Variants in KCTD8 observed in about 807,000 individuals in gnomAD.
KCTD8 encodes BTB/POZ domain-containing protein KCTD8.
KCTD8 carries 27 observed loss-of-function variants against 31.5 expected under a neutral mutation model. The ratio of observed to expected loss-of-function variants is 0.86; its 90% CI spans 0.63 to 1.18. The LOEUF (loss-of-function observed/expected upper bound fraction) is 1.18, where lower values mean the gene tolerates loss of function less well. KCTD8 is among the 50% of genes most tolerant of loss of function. KCTD8 has a pLI of 0.00. For synonymous variants in KCTD8, 290 were observed against 280.0 expected (o/e 1.04, Z -0.36); for missense variants, 658 against 647.7 (o/e 1.02, Z -0.17).
intron 1 of KCTD8, among the ~76,000 whole-genome samples, chr4:44,357,694 C>T (rs1345602181): frequency 6.6e-6 from 1 of 152,006 alleles, no homozygotes; most frequent in Non-Finnish European, 1.5e-5. Context: ...ATATAATGGT[C>T]ATCATTCTGC....
rs532993606 is a variant in KCTD8 at position 44,393,470 on chromosome 4, G to A, written c.961+54093C>T. Among the ~76,000 whole-genome samples, 137 of 150,830 alleles carry A rather than the reference G, an allele frequency of 9.1e-4. 1 individual carries two copies. Among genetic ancestry groups the A allele is most frequent in the African/African-American group, 3.2e-3 (131 of 41,190 alleles). On this transcript the variant is annotated intron_variant, in intron 1 of 1. Coordinates refer to ENST00000360029, the MANE Select transcript of KCTD8 (RefSeq NM_198353.3). ...AGTAAATTTAAATTATGCCAATAAC[G>A]TTGGTAAATGTATTATATTTCCAAA...
At chr4:44,442,442 C>G (rs1219185306) in intron 1 of KCTD8, among the ~76,000 whole-genome samples, 3 of 151,958 alleles carry the variant, frequency 2.0e-5, no homozygotes, top group Admixed American at 6.6e-5. Context: ...CAAAAATTAG[C>G]TGGGCGTGGT....
At chr4:44,319,566 A>G (rs1345948417) in intron 1 of KCTD8, among the ~76,000 whole-genome samples, 2 of 152,084 alleles carry the variant, frequency 1.3e-5, no homozygotes, top group Non-Finnish European at 2.9e-5. Flanking sequence ...AATCACTTCT[A>G]CGCCATGAGC....
intron 1 of KCTD8, among the ~76,000 whole-genome samples, chr4:44,259,982 A>AT (rs1397398625): frequency 6.6e-6 from 1 of 151,874 alleles, no homozygotes; most frequent in Non-Finnish European, 1.5e-5. Flanking sequence ...CAGGGAGACT[A>AT]TTTTTTACAT....
chr4:44,274,833 C>CAA (rs541747524), intron 1 of KCTD8, among the ~76,000 whole-genome samples: 5 of 144,360 alleles, frequency 3.5e-5, no homozygotes, highest in Non-Finnish European at 6.1e-5. Flanking sequence ...TGCTATAAAG[C>CAA]AAAAAAAAAA....
At chr4:44,318,154 T>A (rs1718192655) in intron 1 of KCTD8, among the ~76,000 whole-genome samples, 1 of 152,230 alleles carries the variant, frequency 6.6e-6, no homozygotes, top group Non-Finnish European at 1.5e-5. Flanking sequence ...TATATTCCAA[T>A]TATCACATAA....
At chr4:44,379,812 C>T (rs1720013857) in intron 1 of KCTD8, among the ~76,000 whole-genome samples, 1 of 152,132 alleles carries the variant, frequency 6.6e-6, no homozygotes, top group African/African-American at 2.4e-5. Flanking sequence ...TATTGTATGA[C>T]CACCACATAT....
chr4:44,290,158 TCA>T (rs1232807380), intron 1 of KCTD8, among the ~76,000 whole-genome samples: 3 of 151,770 alleles, frequency 2.0e-5, no homozygotes, highest in Non-Finnish European at 4.4e-5. Flanking sequence ...AGTGCAGGAA[TCA>T]CAATTCTTAT....
intron 1 of KCTD8, among the ~76,000 whole-genome samples, chr4:44,282,208 G>A (rs1390194927): frequency 2.6e-5 from 4 of 151,830 alleles, no homozygotes; most frequent in Non-Finnish European, 5.9e-5. Context: ...TTTCCCAGTA[G>A]CACATCCTCA....
intron 1 of KCTD8, among the ~76,000 whole-genome samples, chr4:44,425,732 T>C (rs951200926): frequency 1.3e-5 from 2 of 151,984 alleles, no homozygotes; most frequent in African/African-American, 2.4e-5. Context: ...TAGAGGGAGC[T>C]ATAGATTTGA....
chr4:44,447,530 G>C (rs777013649), intron 1 of KCTD8, 33 bp downstream of exon 1: 1 of 1,504,458 alleles, frequency 6.6e-7, no homozygotes, highest in Non-Finnish European at 8.9e-7. Flanking sequence ...AGGGGGCGAG[G>C]GGTGCTGGGA....
At chr4:44,200,738 A>G (rs143930619) in intron 1 of KCTD8, among the ~76,000 whole-genome samples, 12 of 152,188 alleles carry the variant, frequency 7.9e-5, no homozygotes, top group African/African-American at 2.6e-4. Context: ...TGCCCTTGAG[A>G]CCTAGAATAA....
At chr4:44,195,876 A>G (rs1490066082) in intron 1 of KCTD8, among the ~76,000 whole-genome samples, 1 of 152,248 alleles carries the variant, frequency 6.6e-6, no homozygotes, top group Non-Finnish European at 1.5e-5. Flanking sequence ...GAAAATATGT[A>G]AAGCTTGTGT....
chr4:44,328,674 T>C (rs1445874527), intron 1 of KCTD8, among the ~76,000 whole-genome samples: 1 of 151,980 alleles, frequency 6.6e-6, no homozygotes, highest in Admixed American at 6.6e-5. Context: ...ATCAGTGCCA[T>C]CCAAAGAGTT....
chr4:44,384,876 T>C (rs1720168274), intron 1 of KCTD8, among the ~76,000 whole-genome samples: 1 of 151,742 alleles, frequency 6.6e-6, no homozygotes, highest in South Asian at 2.1e-4. Flanking sequence ...ATTCTACACA[T>C]GTATCAAAAT....
At chr4:44,296,447 G>A (rs1577599635) in intron 1 of KCTD8, among the ~76,000 whole-genome samples, 1 of 151,930 alleles carries the variant, frequency 6.6e-6, no homozygotes, top group African/African-American at 2.4e-5. Context: ...AGGCATTTAT[G>A]AGCAGAATTG....
rs1190644547 is a variant in KCTD8 at position 44,447,991 on chromosome 4, A to C, written c.533T>G (p.Leu178Arg). ...CACGGCGGCCGCCGCCCCGCGCAGC[A>C]GCAGCGCGTCGCTGCTACCCTGCGA... Reference protein sequence around the residue: ...NVSQGSSDALLLRGAAAAVPS... With the variant: ...NVSQGSSDALRLRGAAAAVPS... The change falls in exon 1 of 2, where the codon CTG becomes CGG. Residue 178 changes from leucine (L) to arginine (R), a missense_variant. Coordinates refer to ENST00000360029, the MANE Select transcript of KCTD8 (RefSeq NM_198353.3). The C allele has an allele frequency of 6.4e-7, 1 of 1,561,054 alleles. No individual in the cohort carries two copies. The highest frequency in any genetic ancestry group is 8.7e-7 in the Non-Finnish European group (1 of 1,153,478).
chr4:44,284,353 C>A (rs1307494765), intron 1 of KCTD8, among the ~76,000 whole-genome samples: 2 of 152,126 alleles, frequency 1.3e-5, no homozygotes, highest in Admixed American at 6.6e-5. Context: ...ACAAACCCAA[C>A]ACACACAAGC....
chr4:44,235,776 A>G (rs750581622), intron 1 of KCTD8, among the ~76,000 whole-genome samples: 2 of 151,858 alleles, frequency 1.3e-5, no homozygotes, highest in Admixed American at 6.6e-5. Context: ...TTTTGTTTAA[A>G]GAGTGATGAG....
Sources: allele counts gnomAD v4.1 joint callset (sites outside exome capture counted in the v4.1 genomes callset), GRCh38; gene constraint gnomAD v4.1.1; transcripts MANE v1.5; gene names NCBI Gene and HGNC (gene_info 2026-07-23, HGNC 2026-07-21).